FAM178B: variants seen among roughly 807,000 people sequenced by gnomAD.
FAM178B encodes protein FAM178B.
In FAM178B, 82 loss-of-function variants were observed where a neutral mutation model predicts 91.7. The observed-to-expected ratio is 0.89, with a 90% CI of 0.75 to 1.07. FAM178B has a LOEUF of 1.07. Ranked by LOEUF, FAM178B falls within the 50% of genes least tolerant of loss-of-function variation. FAM178B has a pLI of 0.00. For missense variants in FAM178B, 769 were observed against 846.7 expected, an observed-to-expected ratio of 0.91 and a Z score of 1.14; for synonymous variants, 368 against 359.4, an observed-to-expected ratio of 1.02 and a Z score of -0.27.
intron 10 of FAM178B, 71 bp downstream of exon 10, chr2:96,923,419 G>A: frequency 8.2e-7 from 1 of 1,213,370 alleles, no homozygotes; most frequent in Non-Finnish European, 1.2e-6. Context: ...GATGCTCCTG[G>A]AATTTAGCTG....
At chr2:96,929,978 A>T (rs998716978) in intron 8 of FAM178B, among the ~76,000 whole-genome samples, 2 of 152,154 alleles carry the variant, frequency 1.3e-5, no homozygotes, top group Non-Finnish European at 2.9e-5. Context: ...CTTTTCAGAG[A>T]CTGAGGCAGG....
intron 8 of FAM178B, among the ~76,000 whole-genome samples, chr2:96,941,630 C>T (rs1157815627): frequency 6.6e-6 from 1 of 152,218 alleles, no homozygotes; most frequent in Non-Finnish European, 1.5e-5. Flanking sequence ...ACGTCTCGCC[C>T]ACTTTCAAAA....
intron 14 of FAM178B, among the ~76,000 whole-genome samples, chr2:96,879,331 A>T (rs774477500): frequency 6.6e-6 from 1 of 152,126 alleles, no homozygotes; most frequent in Non-Finnish European, 1.5e-5. Context: ...GGGGTGGGAG[A>T]GGCGGGCTCT....
chr2:96,887,170 A>G (rs541557828), intron 14 of FAM178B, among the ~76,000 whole-genome samples: 23 of 152,274 alleles, frequency 1.5e-4, no homozygotes, highest in African/African-American at 5.3e-4. Flanking sequence ...AGCCAAGATC[A>G]TGCCACTGCA....
At chr2:96,974,381 CAAA>C (rs1171601429) in intron 1 of FAM178B, among the ~76,000 whole-genome samples, 1 of 16,234 alleles carries the variant, frequency 6.2e-5, no homozygotes, top group Non-Finnish European at 1.2e-4. Flanking sequence ...GACTCCATCT[CAAA>C]AAAAAAAAAA....
intron 12 of FAM178B, among the ~76,000 whole-genome samples, chr2:96,919,852 A>G (rs2081303294): frequency 6.6e-6 from 1 of 152,198 alleles, no homozygotes; most frequent in Non-Finnish European, 1.5e-5. Flanking sequence ...AAAGACAGAA[A>G]GAGATGGGAC....
At chr2:96,959,454 T>C (rs1240669662) in intron 6 of FAM178B, among the ~76,000 whole-genome samples, 1 of 152,192 alleles carries the variant, frequency 6.6e-6, no homozygotes, top group East Asian at 1.9e-4. Flanking sequence ...TTGGAATTCA[T>C]GAAATAAACA....
At chr2:96,893,613 T>G (rs2080734932) in intron 14 of FAM178B, among the ~76,000 whole-genome samples, 1 of 151,934 alleles carries the variant, frequency 6.6e-6, no homozygotes, top group Non-Finnish European at 1.5e-5. Flanking sequence ...GCATCCTCCC[T>G]AAACCATGCT....
chr2:96,971,728 G>C (rs1056317472), intron 3 of FAM178B, among the ~76,000 whole-genome samples, 173 bp downstream of exon 3: 4 of 152,248 alleles, frequency 2.6e-5, no homozygotes, highest in African/African-American at 9.6e-5. Flanking sequence ...GGCCTTGGGG[G>C]CCTGCGCTTC....
chr2:96,889,433 C>T (rs1190093857), intron 14 of FAM178B, among the ~76,000 whole-genome samples: 2 of 152,098 alleles, frequency 1.3e-5, no homozygotes, highest in African/African-American at 2.4e-5. Context: ...AATTCCAGCA[C>T]TGTGGGAGGC....
chr2:96,879,606 C>A (rs1226691734), intron 14 of FAM178B, among the ~76,000 whole-genome samples: 4 of 152,256 alleles, frequency 2.6e-5, no homozygotes, highest in Non-Finnish European at 5.9e-5. Context: ...CCACCTGGGG[C>A]TCCCACCAGC....
chr2:96,893,985 C>T lies in FAM178B; in HGVS notation c.1717G>A (p.Val573Met). 1 of 1,612,878 alleles carries T rather than the reference C, an allele frequency of 6.2e-7. No individual in the cohort carries two copies. The highest frequency in any genetic ancestry group is 1.1e-5 in the South Asian group (1 of 91,070). Reference protein sequence around the residue: ...PSSLRQYLDSVPLPPCQEQQP... With the variant: ...PSSLRQYLDSMPLPPCQEQQP... ...TGCTCCTGGCAGGGTGGCAAGGGCACAGAGTCCAGGTATTGCCTGAGAGAT... is the reference window on the plus strand; with the variant it reads ...TGCTCCTGGCAGGGTGGCAAGGGCATAGAGTCCAGGTATTGCCTGAGAGAT... The change falls in exon 14 of 17, where the codon GTG (valine) becomes ATG (methionine). Residue 573 changes from valine to methionine, a missense_variant. Coordinates refer to ENST00000490605, the MANE Select transcript of FAM178B (RefSeq NM_001122646.3).
At chr2:96,977,696 G>C (rs2082309566) in intron 1 of FAM178B, 1 of 389,982 alleles carries the variant, frequency 2.6e-6, no homozygotes, top group Non-Finnish European at 5.2e-6. Flanking sequence ...GCACGCAATG[G>C]GGGAGGGGGA....
rs2081382740 is a variant in FAM178B at position 96,923,577 on chromosome 2, A to G, written c.1200T>C (p.Leu400=). Residue 400 remains leucine (L), a synonymous_variant, in exon 10 of 17, where the codon CTT becomes CTC. Transcript: ENST00000490605. ...LGPFWHGGRV[L]PGEAGLNENE... ...TCTCATTCAGGCCAGCCTCGCCTGG[A>G]AGCACCCTGTGGTAAGACAACAACA... is the stretch of plus-strand genomic sequence containing the variant. 6.4e-7 allele frequency: 1 copy of G among 1,551,566 alleles called. No homozygotes were observed. The highest frequency in any genetic ancestry group is 8.7e-7 in the Non-Finnish European group (1 of 1,146,872).
At chr2:96,935,956 C>T (rs35836525) in intron 8 of FAM178B, among the ~76,000 whole-genome samples, 11 of 151,028 alleles carry the variant, frequency 7.3e-5, no homozygotes, top group African/African-American at 2.7e-4. Context: ...ATCCATAGAA[C>T]TGCACAACAC....
At chr2:96,901,031 C>T (rs59131346) in intron 13 of FAM178B, among the ~76,000 whole-genome samples, 27,065 of 151,998 alleles carry the variant, frequency 0.18, 2,990 homozygotes, top group African/African-American at 0.31. Flanking sequence ...GGTGCGGGCG[C>T]GCTCAACCTC....
intron 9 of FAM178B, among the ~76,000 whole-genome samples, chr2:96,925,091 G>A (rs1435500621): frequency 6.6e-6 from 1 of 152,146 alleles, no homozygotes; most frequent in Non-Finnish European, 1.5e-5. Context: ...GGCGCAGGCT[G>A]GGCCTGCGCC....
intron 8 of FAM178B, among the ~76,000 whole-genome samples, chr2:96,936,232 C>G (rs898895545): frequency 1.3e-5 from 2 of 151,930 alleles, no homozygotes; most frequent in Admixed American, 6.6e-5. Flanking sequence ...GACGGAGTCT[C>G]GCTCTGTTGC....
intron 16 of FAM178B, among the ~76,000 whole-genome samples, chr2:96,876,650 C>CT (rs1162404462): frequency 1.3e-5 from 2 of 152,140 alleles, no homozygotes; most frequent in Non-Finnish European, 2.9e-5. Context: ...TTGGCGAAAT[C>CT]TGAGACCCAA....
Sources: gnomAD v4.1 joint callset for allele counts (sites outside exome capture counted in the v4.1 genomes callset) on GRCh38, gnomAD v4.1.1 for gene constraint, MANE v1.5 for transcripts, NCBI Gene and HGNC (gene_info 2026-07-23, HGNC 2026-07-21) for gene names.